GPHN: variants seen among roughly 807,000 people sequenced by gnomAD.
The protein encoded by GPHN is gephyrin.
GPHN carries 17 observed loss-of-function variants against 95.5 expected under a neutral mutation model. The observed-to-expected ratio is 0.18, with a 90% CI of 0.12 to 0.27. The LOEUF is 0.27. Ranked by LOEUF, GPHN falls within the 10% of genes least tolerant of loss-of-function variation. The pLI is 1.00. For missense variants in GPHN, 660 were observed against 978.1 expected, an observed-to-expected ratio of 0.67 and a Z score of 4.34; for synonymous variants, 320 against 322.5, an observed-to-expected ratio of 0.99 and a Z score of 0.08.
At chr14:66,622,518 C>T (rs4396473) in intron 1 of GPHN, among the ~76,000 whole-genome samples, 47,254 of 152,072 alleles carry the variant, frequency 0.31, 11,195 homozygotes, top group African/African-American at 0.64. Flanking sequence ...TCTTTTCTTT[C>T]GCATTGTCAG....
the GPHN span, among the ~76,000 whole-genome samples, chr14:67,666,751 T>C: frequency 2.8e-4 from 42 of 152,272 alleles, no homozygotes; most frequent in Middle Eastern, 6.8e-3. Context: ...TGCCCCACAG[T>C]CATTGGAACA....
intron 1 of GPHN, among the ~76,000 whole-genome samples, chr14:66,580,630 G>T (rs940792931): frequency 3.3e-5 from 5 of 151,886 alleles, no homozygotes; most frequent in Admixed American, 1.3e-4. Context: ...GAATCATGAA[G>T]AAGTTGAAAA....
At chr14:67,020,311 T>C (rs1280592674) in intron 9 of GPHN, among the ~76,000 whole-genome samples, 2 of 152,192 alleles carry the variant, frequency 1.3e-5, no homozygotes, top group Admixed American at 1.3e-4. Context: ...AACCTATGGC[T>C]TTCAATTGTA....
chr14:66,773,702 C>T (rs113319485), intron 2 of GPHN, among the ~76,000 whole-genome samples: 1,909 of 152,212 alleles, frequency 0.013, 18 homozygotes, highest in Non-Finnish European at 0.018. Flanking sequence ...CTCTCTTTTG[C>T]TTTAGAACTT....
the GPHN span, chr14:67,397,720 C>T: frequency 3.8e-5 from 61 of 1,613,448 alleles, 1 homozygote; most frequent in African/African-American, 2.5e-4. Context: ...CAGGAGGATC[C>T]GGCCCTTGGG....
intron 1 of GPHN, among the ~76,000 whole-genome samples, chr14:66,582,348 TAAC>T (rs1230895805): frequency 6.6e-6 from 1 of 152,014 alleles, no homozygotes; most frequent in Non-Finnish European, 1.5e-5. Flanking sequence ...AAATACTACA[TAAC>T]AAAAATTATG....
At chr14:66,759,009 A>G (rs2058668848) in intron 2 of GPHN, among the ~76,000 whole-genome samples, 1 of 152,224 alleles carries the variant, frequency 6.6e-6, no homozygotes, top group Non-Finnish European at 1.5e-5. Flanking sequence ...AAATCATGAT[A>G]GGACTGAGTT....
At chr14:67,493,154 A>C in the GPHN span, among the ~76,000 whole-genome samples, 14 of 152,204 alleles carry the variant, frequency 9.2e-5, no homozygotes, top group African/African-American at 3.1e-4. Flanking sequence ...GAGAAACAGC[A>C]AGGCCAGAGT....
the GPHN span, among the ~76,000 whole-genome samples, chr14:67,445,098 C>A: frequency 6.6e-5 from 10 of 152,156 alleles, no homozygotes; most frequent in African/African-American, 1.9e-4. Flanking sequence ...TTTCCAAGAA[C>A]CTCTGGGTTG....
chr14:67,374,349 T>C, the GPHN span: 1 of 534,598 alleles, frequency 1.9e-6, no homozygotes, highest in African/African-American at 1.9e-5. Flanking sequence ...GTTGATAGGA[T>C]TTTAGTAGGA....
At chr14:67,345,858 A>G in the GPHN span, 1 of 1,613,246 alleles carries the variant, frequency 6.2e-7, no homozygotes, top group Non-Finnish European at 8.5e-7. Context: ...TGGCTAAACC[A>G]GTCAGTTCAT....
the GPHN span, chr14:67,343,531 A>G: frequency 2.2e-6 from 2 of 901,176 alleles, no homozygotes; most frequent in African/African-American, 1.7e-5. Context: ...TGTAGAAAAC[A>G]TTTGAGAACC....
chr14:67,729,538 CTT>C, the GPHN span: 2 of 726,536 alleles, frequency 2.8e-6, no homozygotes, highest in African/African-American at 1.7e-5. Flanking sequence ...GTTAAGGAAA[CTT>C]ACAGTACAAA....
At chr14:66,859,358 G>T (rs917934329) in intron 4 of GPHN, among the ~76,000 whole-genome samples, 15 of 152,208 alleles carry the variant, frequency 9.9e-5, no homozygotes, top group Non-Finnish European at 1.9e-4. Flanking sequence ...GAGAACAAGA[G>T]TCTCTGTGTG....
intron 4 of GPHN, among the ~76,000 whole-genome samples, chr14:66,854,949 G>C (rs1027019816): frequency 5.3e-4 from 80 of 151,512 alleles, no homozygotes; most frequent in African/African-American, 1.9e-3. Context: ...CCGGATTCAA[G>C]CGATTCTCCT....
chr14:67,264,259 G>A, the GPHN span, among the ~76,000 whole-genome samples: 3 of 152,128 alleles, frequency 2.0e-5, no homozygotes, highest in Non-Finnish European at 2.9e-5. Context: ...TAAATTTGTA[G>A]AATTGTTTAA....
intron 2 of GPHN, among the ~76,000 whole-genome samples, chr14:66,739,757 A>G (rs1471208825): frequency 6.6e-6 from 1 of 152,098 alleles, no homozygotes; most frequent in Non-Finnish European, 1.5e-5. Flanking sequence ...ATCATCAGAA[A>G]CACTAAGCAG....
Position 66,574,089 on chromosome 14 carries a change from A to G in GPHN, c.64+65498A>G, listed in dbSNP as rs112456854. On this transcript the variant is annotated intron_variant, in intron 1 of 22. Coordinates refer to ENST00000478722, the MANE Select transcript of GPHN (RefSeq NM_020806.5). ...GTAGTTTGTAGATTCTTTGTTTCTTATATTCTGGCTGGCTTTCTTTTTGAT... is the reference window on the plus strand; with the variant it reads ...GTAGTTTGTAGATTCTTTGTTTCTTGTATTCTGGCTGGCTTTCTTTTTGAT... Among the ~76,000 whole-genome samples, 555 of 152,072 alleles carry G rather than the reference A, an allele frequency of 3.6e-3. 12 individuals are homozygous for G. The highest frequency in any genetic ancestry group is 0.013 in the African/African-American group (529 of 41,488).
At chr14:67,158,622 C>T (rs920332347) in intron 18 of GPHN, among the ~76,000 whole-genome samples, 1 of 152,034 alleles carries the variant, frequency 6.6e-6, no homozygotes, top group African/African-American at 2.4e-5. Flanking sequence ...TAGTAATAGA[C>T]CTAGGTTTTT....
Sources: gnomAD v4.1 joint callset for allele counts (sites outside exome capture counted in the v4.1 genomes callset) on GRCh38, gnomAD v4.1.1 for gene constraint, MANE v1.5 for transcripts, NCBI Gene and HGNC (gene_info 2026-07-23, HGNC 2026-07-21) for gene names.